Variants in ULK4 observed in about 807,000 individuals in gnomAD.
ULK4 encodes unc-51 like kinase 4.
Under a neutral mutation model 160.6 loss-of-function variants are expected in ULK4, and 133 were observed. The ratio of observed to expected loss-of-function variants is 0.83; its 90% CI spans 0.72 to 0.96. ULK4 has a LOEUF of 0.96. Ranked by LOEUF, ULK4 falls within the 40% of genes least tolerant of loss-of-function variation. The pLI is 0.00. For missense variants in ULK4, 1,580 were observed against 1,499.5 expected (o/e 1.05, Z -0.89); for synonymous variants, 534 against 539.8 (o/e 0.99, Z 0.15).
intron 25 of ULK4, among the ~76,000 whole-genome samples, chr3:41,712,481 A>C (rs371766084): frequency 6.6e-6 from 1 of 152,220 alleles, no homozygotes; most frequent in Admixed American, 6.5e-5. Context: ...CAATTAAATC[A>C]TATCTTTAAA....
chr3:41,384,440 T>C (rs1043558399), intron 35 of ULK4, among the ~76,000 whole-genome samples: 3 of 152,096 alleles, frequency 2.0e-5, no homozygotes, highest in East Asian at 1.9e-4. Flanking sequence ...CAACTAATAA[T>C]ACCAGCATTT....
At chr3:41,405,867 C>G (rs1580495) in intron 34 of ULK4, among the ~76,000 whole-genome samples, 1 of 151,748 alleles carries the variant, frequency 6.6e-6, no homozygotes, top group Non-Finnish European at 1.5e-5. Flanking sequence ...AAGTTCTTTA[C>G]AGATTCTGGA....
At chr3:41,586,309 T>G (rs1260421615) in intron 31 of ULK4, among the ~76,000 whole-genome samples, 1 of 152,188 alleles carries the variant, frequency 6.6e-6, no homozygotes, top group African/African-American at 2.4e-5. Flanking sequence ...AATAATATTC[T>G]CTTTAAAAAA....
In ULK4 at chr3:41,353,237, T is replaced by C. The variant is rs1436431215; in HGVS notation, c.3678+44842A>G. ...GTTGACTCTTAGAACAAGCAGGAAC[T>C]GATTCCACTAAGCATTGACCTACCT... On this transcript the variant is annotated intron_variant, in intron 35 of 36. Transcript: ENST00000301831. Among the ~76,000 whole-genome samples, 3 of 152,230 alleles carry C rather than the reference T, an allele frequency of 2.0e-5. No individual in the cohort carries two copies. The South Asian group carries it at 6.2e-4, about 31-fold the overall frequency.
At chr3:41,873,224 CTTTTTTT>C (rs1173793427) in intron 17 of ULK4, among the ~76,000 whole-genome samples, 2 of 106,318 alleles carry the variant, frequency 1.9e-5, no homozygotes, top group African/African-American at 5.0e-5. Context: ...AGTTGCCTTT[CTTTTTTT>C]TTTTTTTTTT....
chr3:41,896,179 C>G (rs1698146022), intron 15 of ULK4, among the ~76,000 whole-genome samples: 1 of 152,196 alleles, frequency 6.6e-6, no homozygotes, highest in Non-Finnish European at 1.5e-5. Flanking sequence ...CCGACACCCC[C>G]GACCCATTCC....
At chr3:41,868,805 T>C (rs1696991335) in intron 17 of ULK4, among the ~76,000 whole-genome samples, 2 of 151,924 alleles carry the variant, frequency 1.3e-5, no homozygotes, top group South Asian at 4.2e-4. Flanking sequence ...TAGGTCTTTT[T>C]TTTCCCCCCC....
At chr3:41,360,820 G>T (rs2081128159) in intron 35 of ULK4, among the ~76,000 whole-genome samples, 1 of 152,080 alleles carries the variant, frequency 6.6e-6, no homozygotes, top group African/African-American at 2.4e-5. Context: ...AGCAGATGCT[G>T]GGCTTAATAC....
chr3:41,884,748 CA>C (rs1164475690), intron 16 of ULK4, among the ~76,000 whole-genome samples: 7 of 152,164 alleles, frequency 4.6e-5, no homozygotes, highest in Non-Finnish European at 1.0e-4. Flanking sequence ...AGAAGTACTA[CA>C]GGGAAAATGT....
At chr3:41,357,161 A>G (rs1289451334) in intron 35 of ULK4, among the ~76,000 whole-genome samples, 1 of 152,180 alleles carries the variant, frequency 6.6e-6, no homozygotes, top group Non-Finnish European at 1.5e-5. Context: ...CATTTGGGTA[A>G]ACATTCGATC....
At chr3:41,295,200 C>CTGGA (rs2079646465) in intron 35 of ULK4, among the ~76,000 whole-genome samples, 13 of 75,800 alleles carry the variant, frequency 1.7e-4, no homozygotes, top group South Asian at 4.7e-4. Flanking sequence ...ATGGAGCAAA[C>CTGGA]ATAGTTTTTT....
At chr3:41,409,954 A>C (rs547880608) in intron 34 of ULK4, among the ~76,000 whole-genome samples, 167 of 152,256 alleles carry the variant, frequency 1.1e-3, no homozygotes, top group Admixed American at 2.9e-3. Context: ...GTCTCAAAAA[A>C]AAAAAAGAAA....
chr3:41,386,021 G>A (rs1397172378), intron 35 of ULK4, among the ~76,000 whole-genome samples: 2 of 152,140 alleles, frequency 1.3e-5, no homozygotes, highest in African/African-American at 4.8e-5. Context: ...TTTCTGGGAA[G>A]AAATATACTG....
chr3:41,575,504 A>G (rs2088158873), intron 31 of ULK4, among the ~76,000 whole-genome samples: 3 of 152,200 alleles, frequency 2.0e-5, no homozygotes, highest in African/African-American at 7.2e-5. Context: ...GGAGGTATAG[A>G]TTTAAGCCCC....
At chr3:41,746,381 A>G (rs758964922) in intron 22 of ULK4, among the ~76,000 whole-genome samples, 1 of 151,204 alleles carries the variant, frequency 6.6e-6, no homozygotes, top group Non-Finnish European at 1.5e-5. Flanking sequence ...AAATGTGGAA[A>G]TTGAAATTAA....
intron 34 of ULK4, among the ~76,000 whole-genome samples, chr3:41,408,772 A>G (rs2082348600): frequency 6.6e-6 from 1 of 152,178 alleles, no homozygotes; most frequent in African/African-American, 2.4e-5. Context: ...TCTAGAGACC[A>G]ATGGAATAGA....
intron 25 of ULK4, among the ~76,000 whole-genome samples, chr3:41,714,548 A>G (rs1575598439): frequency 6.6e-6 from 1 of 152,170 alleles, no homozygotes; most frequent in African/African-American, 2.4e-5. Context: ...CATTTTATCA[A>G]CCATATATAC....
chr3:41,933,667 C>T (rs1026809823), intron 4 of ULK4, among the ~76,000 whole-genome samples: 1 of 151,930 alleles, frequency 6.6e-6, no homozygotes, highest in African/African-American at 2.4e-5. Context: ...TGGCCACTGC[C>T]TTGTACAGCT....
intron 21 of ULK4, 76 bp from the exon 22 acceptor site, chr3:41,754,564 C>A (rs1368882722): frequency 2.4e-5 from 33 of 1,380,220 alleles, no homozygotes; most frequent in Non-Finnish European, 3.1e-5. Context: ...AGTGAACAGA[C>A]TATAATAATC....
Sources: gnomAD v4.1 joint callset for allele counts (sites outside exome capture counted in the v4.1 genomes callset) on GRCh38, gnomAD v4.1.1 for gene constraint, MANE v1.5 for transcripts, NCBI Gene and HGNC (gene_info 2026-07-23, HGNC 2026-07-21) for gene names.